DHX9: variants seen among roughly 807,000 people sequenced by gnomAD.
DHX9 encodes the protein ATP-dependent RNA helicase A.
In DHX9, 27 loss-of-function variants were observed where a neutral mutation model predicts 148.7. The observed-to-expected ratio is 0.18, with a 90% CI of 0.13 to 0.25. The LOEUF is 0.25. DHX9 is among the 10% of genes least tolerant of loss of function. The pLI, the probability that DHX9 is intolerant of heterozygous loss-of-function variation, is 1.00. For synonymous variants in DHX9, 529 were observed against 516.6 expected, an observed-to-expected ratio of 1.02 and a Z score of -0.33; for missense variants, 796 against 1,559.6, an observed-to-expected ratio of 0.51 and a Z score of 8.25.
intron 27 of DHX9, among the ~76,000 whole-genome samples, chr1:182,885,950 A>G (rs890818504): frequency 6.6e-6 from 1 of 152,340 alleles, no homozygotes; most frequent in African/African-American, 2.4e-5. Context: ...ATCTGTTTCT[A>G]TGAAGGATAA....
chr1:182,885,711 CAAGGTCAT>C (rs1210649619), intron 27 of DHX9, among the ~76,000 whole-genome samples: 1 of 152,150 alleles, frequency 6.6e-6, no homozygotes, highest in Non-Finnish European at 1.5e-5. Flanking sequence ...AGATAAGACC[CAAGGTCAT>C]ACAGCTAATA....
At position 182,884,712 on chromosome 1, in the gene DHX9, C is replaced by T; in HGVS notation, c.3360C>T (p.Ile1120=). Residue 1120 remains isoleucine (I), a synonymous_variant, in exon 27 of 28, where the codon ATC becomes ATT. Coordinates refer to ENST00000367549, the MANE Select transcript of DHX9 (RefSeq NM_001357.5). ...LVVEVTKQPA[I]ISQLDPVNER... ...TTGAAGTAACCAAACAACCTGCTAT[C>T]ATCAGCCAGTTGGACCCCGTAAATG... The T allele has an allele frequency of 1.2e-6, 2 of 1,614,158 alleles. No individual in the cohort carries two copies. The highest frequency in any genetic ancestry group is 1.7e-6 in the Non-Finnish European group (2 of 1,180,028).
At chr1:182,854,202 T>C (rs1395727915) in intron 6 of DHX9, 24 bp downstream of exon 6, 3 of 1,572,274 alleles carry the variant, frequency 1.9e-6, no homozygotes. Context: ...ATTCTTTTCC[T>C]TCTGTAGTAA....
chr1:182,874,277 T>TA (rs1159304338), intron 15 of DHX9, among the ~76,000 whole-genome samples: 1 of 152,214 alleles, frequency 6.6e-6, no homozygotes, highest in Admixed American at 6.5e-5. Flanking sequence ...TGATCAAGTT[T>TA]TAACATCATG....
chr1:182,881,866 C>T (rs532829348), intron 24 of DHX9, among the ~76,000 whole-genome samples: 2 of 152,130 alleles, frequency 1.3e-5, no homozygotes, highest in South Asian at 4.1e-4. Flanking sequence ...AGCATTTAGA[C>T]TTGAAGTAAA....
intron 14 of DHX9, among the ~76,000 whole-genome samples, chr1:182,868,116 C>T (rs2102608699): frequency 6.6e-6 from 1 of 152,152 alleles, no homozygotes; most frequent in Admixed American, 6.5e-5. Context: ...AGTTGTATGC[C>T]AGGAAAGGGG....
At position 182,887,073 on chromosome 1, in the gene DHX9, C is replaced by A; in HGVS notation, c.3462-10C>A. On this transcript the variant is annotated splice_polypyrimidine_tract_variant and intron_variant, in intron 27 of 27. Coordinates refer to ENST00000367549, the MANE Select transcript of DHX9 (RefSeq NM_001357.5). Reference sequence around the variant, plus strand: ...GCTTTGCTAAAGTGATGGTTTTGTGCTTTTCCTAGGTATGGAGATGGTCCA... The same window carrying A: ...GCTTTGCTAAAGTGATGGTTTTGTGATTTTCCTAGGTATGGAGATGGTCCA... 1 of 1,609,068 alleles carries A rather than the reference C, an allele frequency of 6.2e-7. No homozygotes were observed. The highest frequency in any genetic ancestry group is 8.5e-7 in the Non-Finnish European group (1 of 1,175,716).
chr1:182,863,394 G>A (rs565980744), intron 12 of DHX9, among the ~76,000 whole-genome samples: 22 of 152,234 alleles, frequency 1.4e-4, no homozygotes, highest in Middle Eastern at 3.4e-3. Flanking sequence ...AGGCATATTT[G>A]CTGCCATGGT....
At chr1:182,855,314 C>G (rs892315874) in intron 6 of DHX9, among the ~76,000 whole-genome samples, 14 of 152,140 alleles carry the variant, frequency 9.2e-5, no homozygotes, top group African/African-American at 3.4e-4. Context: ...CTCATCGTTG[C>G]AGACATTTTT....
rs1209865176 is a variant in DHX9, at chr1:182,887,488, A to AT, written c.*55dup. 4.7e-6 allele frequency: 7 copies of AT among 1,473,838 alleles called. No homozygotes were observed. The African/African-American group carries it at 9.8e-5, about 21-fold the overall frequency. The allele number at this position is 1,473,838 out of a possible 1,614,324, so 91.3% of individuals were successfully genotyped here. A position where few individuals can be genotyped will look rare whatever the true frequency, so the allele number is the denominator to read the frequency against. On this transcript the variant is annotated 3_prime_UTR_variant, in exon 28 of 28. Coordinates refer to ENST00000367549, the MANE Select transcript of DHX9 (RefSeq NM_001357.5). ...GACAGTAAGGAAAAAAAGGCATGCTATGTGTTACGTGTTTTTTCCAGTATG... is the reference window on the plus strand; with the variant it reads ...GACAGTAAGGAAAAAAAGGCATGCTATTGTGTTACGTGTTTTTTCCAGTATG...
At chr1:182,879,803 GCAACCCCCACC>G (rs1557978829) in intron 21 of DHX9, among the ~76,000 whole-genome samples, 2 of 152,022 alleles carry the variant, frequency 1.3e-5, no homozygotes, top group East Asian at 3.9e-4. Context: ...TCAGCTCACT[GCAACCCCCACC>G]TCCCAGGTTC....
At chr1:182,864,584 T>A (rs1255269966) in intron 12 of DHX9, among the ~76,000 whole-genome samples, 1 of 152,230 alleles carries the variant, frequency 6.6e-6, no homozygotes. Flanking sequence ...AAAACACTTG[T>A]ATTTTAAATG....
rs768352665 is a variant in DHX9, at chr1:182,858,147, A to G, written c.717A>G (p.Ala239=). Residue 239 remains alanine, a synonymous_variant, in exon 8 of 28, where the codon GCA becomes GCG. Coordinates refer to ENST00000367549, the MANE Select transcript of DHX9 (RefSeq NM_001357.5). ...REHGSNKKLA[A]QSCALSLVRQ... The stretch of plus-strand genomic sequence containing the variant: ...ATGGATCAAATAAGAAATTGGCAGC[A>G]CAGTCCTGTGCCCTGTCACTTGTCA... The G allele has an allele frequency of 5.0e-6, 8 of 1,614,032 alleles. No individual in the cohort carries two copies. Among genetic ancestry groups the G allele is most frequent in the South Asian group, 1.1e-5 (1 of 91,072 alleles).
chr1:182,872,553 A>G (rs1198448533), intron 15 of DHX9, 60 bp downstream of exon 15: 2 of 1,507,062 alleles, frequency 1.3e-6, no homozygotes, highest in Non-Finnish European at 1.8e-6. Context: ...TATTTTCTTA[A>G]TCCTGGAGAT....
intron 26 of DHX9, among the ~76,000 whole-genome samples, chr1:182,883,846 TC>T (rs34715603): frequency 0.23 from 35,082 of 151,776 alleles, 7,180 homozygotes; most frequent in African/African-American, 0.55. Context: ...GGAATCAGAA[TC>T]TAAGTGAAGC....
chr1:182,883,717 T>C (rs1283844108), intron 26 of DHX9, 82 bp downstream of exon 26: 3 of 924,794 alleles, frequency 3.2e-6, no homozygotes, highest in African/African-American at 3.3e-5. Flanking sequence ...CTAACTTAAT[T>C]ATATACTAAT....
chr1:182,875,901 T>C (rs1648742687), intron 16 of DHX9, 149 bp from the exon 17 acceptor site: 1 of 654,178 alleles, frequency 1.5e-6, no homozygotes, highest in South Asian at 2.0e-5. Context: ...TTTTGGAAAT[T>C]AAATTTCTTC....
chr1:182,846,990 A>G (rs575095756), intron 3 of DHX9, among the ~76,000 whole-genome samples: 1 of 149,924 alleles, frequency 6.7e-6, no homozygotes, highest in African/African-American at 2.5e-5. Flanking sequence ...TGTCCCTTCC[A>G]TTTTGCTAAG....
At chr1:182,880,863 T>G (rs1557979374) in intron 22 of DHX9, among the ~76,000 whole-genome samples, 1 of 152,196 alleles carries the variant, frequency 6.6e-6, no homozygotes, top group African/African-American at 2.4e-5. Context: ...CCAGGCAATG[T>G]GGCTCACACC....
Sources: allele counts gnomAD v4.1 joint callset (sites outside exome capture counted in the v4.1 genomes callset), GRCh38; gene constraint gnomAD v4.1.1; transcripts MANE v1.5; gene names NCBI Gene and HGNC (gene_info 2026-07-23, HGNC 2026-07-21).